The following SMIM14 variants were observed in gnomAD, a reference collection of about 807,000 sequenced individuals.
SMIM14 encodes chromosome 4 open reading frame 34.
Under a neutral mutation model 12.6 loss-of-function variants are expected in SMIM14, and 5 were observed. The ratio of observed to expected loss-of-function variants is 0.40; its 90% CI spans 0.21 to 0.83. SMIM14 has a LOEUF of 0.83. Among genes scored for constraint, SMIM14 ranks in the 40% least tolerant of loss-of-function variants. The pLI is 0.37. For synonymous variants in SMIM14, 30 were observed against 40.1 expected, an observed-to-expected ratio of 0.75 and a Z score of 0.95; for missense variants, 86 against 119.1, an observed-to-expected ratio of 0.72 and a Z score of 1.29.
At chr4:39,631,247 G>A (rs915399657) in intron 1 of SMIM14, among the ~76,000 whole-genome samples, 3 of 151,148 alleles carry the variant, frequency 2.0e-5, no homozygotes, top group Non-Finnish European at 2.9e-5. Context: ...CACAAGAATC[G>A]CTTGAACTCG....
chr4:39,624,859 A>C (rs1010509244), intron 1 of SMIM14, among the ~76,000 whole-genome samples: 3 of 151,758 alleles, frequency 2.0e-5, no homozygotes, highest in African/African-American at 7.3e-5. Context: ...TTAGTAACGA[A>C]ATACTTTTCT....
intron 2 of SMIM14, among the ~76,000 whole-genome samples, chr4:39,586,962 A>G (rs1477033782): frequency 6.6e-6 from 1 of 152,038 alleles, no homozygotes; most frequent in East Asian, 1.9e-4. Flanking sequence ...GAAGAGGATC[A>G]TCTCTTTTCT....
At chr4:39,595,093 A>T (rs1397483343) in intron 2 of SMIM14, among the ~76,000 whole-genome samples, 2 of 141,956 alleles carry the variant, frequency 1.4e-5, no homozygotes, top group Admixed American at 1.4e-4. Context: ...TGCTATAAAG[A>T]CACATGCACA....
chr4:39,583,718 A>T (rs1226123050), intron 2 of SMIM14, among the ~76,000 whole-genome samples: 1 of 152,096 alleles, frequency 6.6e-6, no homozygotes, highest in African/African-American at 2.4e-5. Context: ...CATTTTTCTA[A>T]CACAGTATAT....
At position 39,547,079 on chromosome 4, in the gene SMIM14, A is replaced by C. The variant is rs1016699750; in HGVS notation, c.*5047T>G. Reference sequence around the variant, plus strand: ...AAATAACCAAAGAAATGTGACTGCAATCTAATTTCCAAGAGAGAAACTCTA... The same window carrying C: ...AAATAACCAAAGAAATGTGACTGCACTCTAATTTCCAAGAGAGAAACTCTA... On this transcript the variant is annotated 3_prime_UTR_variant, in exon 5 of 5. Coordinates refer to ENST00000295958, the MANE Select transcript of SMIM14 (RefSeq NM_174921.3). The C allele has an allele frequency of 6.6e-5, 10 of 152,202 alleles. No homozygotes were observed. The highest frequency in any genetic ancestry group is 2.4e-4 in the African/African-American group (10 of 41,454). 9.4% of individuals were successfully genotyped at this position (152,202 alleles called of 1,614,324 possible). A position where few individuals can be genotyped will look rare whatever the true frequency, so the allele number is the denominator to read the frequency against.
chr4:39,612,800 C>T (rs956025144), intron 1 of SMIM14, among the ~76,000 whole-genome samples: 2 of 152,180 alleles, frequency 1.3e-5, no homozygotes, highest in East Asian at 1.9e-4. Flanking sequence ...GAGGTTTTGC[C>T]ATTTGCCCAG....
chr4:39,584,761 A>T lies in SMIM14; in HGVS notation c.76-12298T>A, dbSNP rs541646637. On this transcript the variant is annotated intron_variant, in intron 2 of 4. Coordinates refer to ENST00000295958, the MANE Select transcript of SMIM14 (RefSeq NM_174921.3). ...CAGTAAACCAAGATCATGCAACTGC[A>T]CTCCAGCCTGGGTAATCAAGCAGGA... Among the ~76,000 whole-genome samples, 3 of 138,796 alleles carry T rather than the reference A, an allele frequency of 2.2e-5. No individual in the cohort carries two copies. In the South Asian group the frequency reaches 6.8e-4, roughly 31 times the overall value. The allele number at this position is 138,796 out of a possible 152,430, so 91.1% of individuals were successfully genotyped here.
At chr4:39,599,913 C>T (rs888636718) in intron 2 of SMIM14, among the ~76,000 whole-genome samples, 3 of 141,914 alleles carry the variant, frequency 2.1e-5, no homozygotes, top group African/African-American at 7.9e-5. Context: ...CAGAGTGAGA[C>T]TCCGTCTCAA....
intron 1 of SMIM14, among the ~76,000 whole-genome samples, chr4:39,610,968 A>T (rs1323723315): frequency 6.6e-6 from 1 of 152,168 alleles, no homozygotes; most frequent in Non-Finnish European, 1.5e-5. Context: ...CAAAACCAAT[A>T]AAAGTTTCTA....
chr4:39,568,694 T>C (rs1712705359), intron 3 of SMIM14, among the ~76,000 whole-genome samples: 1 of 152,238 alleles, frequency 6.6e-6, no homozygotes, highest in Admixed American at 6.5e-5. Flanking sequence ...TCCAATTGAA[T>C]AGTAGTATCT....
chr4:39,567,747 GA>G lies in SMIM14; in HGVS notation c.124+4667del, dbSNP rs1300684363. ...AGCAAGACTCCGTCTCAAAAGAAAG[GA>G]AAAAAAAAATTAGCTGGGCATGGTT... On this transcript the variant is annotated intron_variant, in intron 3 of 4. Transcript: ENST00000295958. Among the ~76,000 whole-genome samples the G allele has an allele frequency of 2.2e-4, 33 of 147,718 alleles. No homozygotes were observed. In the South Asian group the frequency reaches 6.9e-3, roughly 31 times the overall value.
At chr4:39,554,654 CT>C (rs111326390) in intron 4 of SMIM14, among the ~76,000 whole-genome samples, 2,536 of 95,154 alleles carry the variant, frequency 0.027, 59 homozygotes, top group African/African-American at 0.088. Flanking sequence ...GGAAATTTTC[CT>C]TTTTTTTTTT....
intron 1 of SMIM14, among the ~76,000 whole-genome samples, chr4:39,617,330 C>T (rs1470313383): frequency 1.3e-5 from 2 of 152,176 alleles, no homozygotes; most frequent in Non-Finnish European, 2.9e-5. Flanking sequence ...AGACTTTTCA[C>T]TGTATACGAT....
chr4:39,635,623 A>G (rs1429818609), intron 1 of SMIM14, among the ~76,000 whole-genome samples: 1 of 152,204 alleles, frequency 6.6e-6, no homozygotes, highest in African/African-American at 2.4e-5. Flanking sequence ...AAGAAACTAG[A>G]TTATGTAATA....
At chr4:39,583,395 G>A (rs1246706043) in intron 2 of SMIM14, among the ~76,000 whole-genome samples, 1 of 152,002 alleles carries the variant, frequency 6.6e-6, no homozygotes, top group East Asian at 1.9e-4. Flanking sequence ...AACTTGCCTG[G>A]GCTATTATTC....
chr4:39,619,862 A>T lies in SMIM14; in HGVS notation c.-35-14682T>A, dbSNP rs868685136. On this transcript the variant is annotated intron_variant, in intron 1 of 4. Coordinates refer to ENST00000295958, the MANE Select transcript of SMIM14 (RefSeq NM_174921.3). ...TGTATATATATATTTATATATATTT[A>T]TATATATATATATATTTTTTTTTTT... Among the ~76,000 whole-genome samples the T allele has an allele frequency of 4.3e-4, 28 of 64,552 alleles. 1 individual carries two copies. The highest frequency in any genetic ancestry group is 1.5e-3 in the African/African-American group (17 of 11,420). 42.3% of individuals were successfully genotyped at this position (64,552 alleles called of 152,430 possible). A position where few individuals can be genotyped will look rare whatever the true frequency, so the allele number is the denominator to read the frequency against.
At chr4:39,607,247 T>C (rs563152840) in intron 1 of SMIM14, among the ~76,000 whole-genome samples, 3 of 152,348 alleles carry the variant, frequency 2.0e-5, no homozygotes, top group South Asian at 4.1e-4. Flanking sequence ...TCAAATTGTA[T>C]ATTTAAATGT....
At chr4:39,591,425 C>T (rs892288624) in intron 2 of SMIM14, among the ~76,000 whole-genome samples, 2 of 152,004 alleles carry the variant, frequency 1.3e-5, no homozygotes, top group African/African-American at 2.4e-5. Context: ...CTCGCTGTAA[C>T]TCGGTGATGT....
chr4:39,595,997 T>C (rs746543140), intron 2 of SMIM14, among the ~76,000 whole-genome samples: 11 of 152,280 alleles, frequency 7.2e-5, no homozygotes, highest in South Asian at 4.1e-4. Context: ...GGGTAATGCA[T>C]TCACATGGTT....
Sources: gnomAD v4.1 joint callset for allele counts (sites outside exome capture counted in the v4.1 genomes callset) on GRCh38, gnomAD v4.1.1 for gene constraint, MANE v1.5 for transcripts, NCBI Gene and HGNC (gene_info 2026-07-23, HGNC 2026-07-21) for gene names.